ZSCAN30: variants seen among roughly 807,000 people sequenced by gnomAD.
ZSCAN30 encodes zinc finger and SCAN domain containing 30, also known as zinc finger and SCAN domain-containing protein 30.
A neutral mutation model predicts 44.3 loss-of-function variants in ZSCAN30; 37 were observed. That is an observed-to-expected ratio of 0.84 (90% CI 0.64 to 1.10). The LOEUF is 1.10. ZSCAN30 is among the 50% of genes least tolerant of loss of function. The pLI is 0.00. For synonymous variants in ZSCAN30, 181 were observed against 204.6 expected (o/e 0.88, Z 0.98); for missense variants, 549 against 582.6 (o/e 0.94, Z 0.59).
chr18:35,257,976 C>T, intron 3 of ZSCAN30: 1 of 781,050 alleles, frequency 1.3e-6, no homozygotes, highest in Non-Finnish European at 2.4e-6. Context: ...ACCCAAATCT[C>T]CATCTCAGGC....
Position 35,264,185 on chromosome 18 carries a change from G to A in ZSCAN30, c.168C>T (p.Tyr56=). The change falls in exon 2 of 4, where the codon TAC becomes TAT. Residue 56 remains tyrosine (Y), a synonymous_variant. Coordinates refer to ENST00000333206, the MANE Select transcript of ZSCAN30 (RefSeq NM_001112734.4). ...VFRQKFRQFS[Y]SDSTGPREAL... is the part of the protein sequence containing the mutation. The stretch of plus-strand genomic sequence containing the variant: ...CCTCCCGAGGGCCAGTGGAGTCAGA[G>A]TAACTAAACTGCCTGAACTTCTGCC... 1.9e-6 allele frequency: 3 copies of A among 1,614,234 alleles called. No homozygotes were observed. The highest frequency in any genetic ancestry group is 1.6e-4 in the Middle Eastern group (1 of 6,062).
chr18:35,251,238 G>T lies in ZSCAN30; in HGVS notation c.*2212C>A, dbSNP rs1035024610. On this transcript the variant is annotated 3_prime_UTR_variant, in exon 4 of 4. Coordinates refer to ENST00000333206, the MANE Select transcript of ZSCAN30 (RefSeq NM_001112734.4). ...GAAAGTACTCCAAAATGTTAACAAC[G>T]TTTCTATGGGCATTGGGATTGGGGG... 3 of 152,078 alleles carry T rather than the reference G, an allele frequency of 2.0e-5. No homozygotes were observed. Among genetic ancestry groups the T allele is most frequent in the African/African-American group, 7.2e-5 (3 of 41,410 alleles). The allele number at this position is 152,078 out of a possible 1,614,324, so 9.4% of individuals were successfully genotyped here.
rs150485146 is a variant in ZSCAN30, at chr18:35,282,652, A to C, written c.-104+7432T>G. 5.9e-5 allele frequency: 9 copies of C among 152,356 alleles called. No homozygotes were observed. In the East Asian group the frequency reaches 1.7e-3, roughly 29 times the overall value. 9.4% of individuals were successfully genotyped at this position (152,356 alleles called of 1,614,324 possible). On this transcript the variant is annotated intron_variant, in intron 1 of 3. Transcript: ENST00000333206. ...TCATTTTGTAGCAGCTTGGCCTGCA[A>C]CTACTCTACCATCCTCTAGATCCTC...
rs1306836582 is a variant in ZSCAN30 at position 35,251,864 on chromosome 18, T to C, written c.*1586A>G. 6.6e-6 allele frequency: 1 copy of C among 152,066 alleles called. No individual in the cohort carries two copies. The highest frequency in any genetic ancestry group is 2.4e-5 in the African/African-American group (1 of 41,372). 9.4% of individuals were successfully genotyped at this position (152,066 alleles called of 1,614,324 possible). ...TCATAGCACTGTGAAAATGGACTAA[T>C]ACAAGCAGTGATCACCAAGTCTTCT... is the stretch of plus-strand genomic sequence containing the variant. On this transcript the variant is annotated 3_prime_UTR_variant, in exon 4 of 4. Transcript: ENST00000333206.
intron 1 of ZSCAN30, chr18:35,267,832 C>T (rs1443019341): frequency 2.6e-5 from 4 of 152,032 alleles, no homozygotes; most frequent in Admixed American, 2.6e-4. Context: ...AACCGAGAAC[C>T]CATGATCTCT....
At position 35,252,543 on chromosome 18, in the gene ZSCAN30, A is replaced by G. The variant is rs1224605087; in HGVS notation, c.*907T>C. 6.6e-6 allele frequency: 1 copy of G among 152,154 alleles called. No individual in the cohort carries two copies. The highest frequency in any genetic ancestry group is 2.4e-5 in the African/African-American group (1 of 41,438). 9.4% of individuals were successfully genotyped at this position (152,154 alleles called of 1,614,324 possible). ...TTAGGTCTATGACAATTTCTGCAGT[A>G]GAGAAGAGTCTTCATGGAGTGTCTC... On this transcript the variant is annotated 3_prime_UTR_variant, in exon 4 of 4. Transcript: ENST00000333206.
At chr18:35,274,092 T>C (rs2044330117) in intron 1 of ZSCAN30, among the ~76,000 whole-genome samples, 1 of 152,114 alleles carries the variant, frequency 6.6e-6, no homozygotes, top group South Asian at 2.1e-4. Context: ...CTCGGCTCAC[T>C]GCAAGCTCCG....
At chr18:35,263,019 C>A in intron 3 of ZSCAN30, 1 of 178,286 alleles carries the variant, frequency 5.6e-6, no homozygotes, top group South Asian at 8.6e-5. Context: ...TATTCATCTC[C>A]ATCTTAGGGA....
intron 1 of ZSCAN30, chr18:35,270,091 T>G (rs2044240791): frequency 6.6e-6 from 1 of 152,220 alleles, no homozygotes; most frequent in Non-Finnish European, 1.5e-5. Flanking sequence ...CACTTCTCTA[T>G]CATTTATTTA....
chr18:35,266,974 A>G (rs2044166924), intron 1 of ZSCAN30: 1 of 151,206 alleles, frequency 6.6e-6, no homozygotes, highest in African/African-American at 2.4e-5. Context: ...CCTTCTCTTA[A>G]TTTTTTAGTG....
At position 35,253,109 on chromosome 18, in the gene ZSCAN30, T is replaced by C. The variant is rs767727805; in HGVS notation, c.*341A>G. Reference sequence around the variant, plus strand: ...TTATAAGAAGCTCTTTCAGGATCTCTGCCCCAATCCTGGCATTACTGTGAA... The same window carrying C: ...TTATAAGAAGCTCTTTCAGGATCTCCGCCCCAATCCTGGCATTACTGTGAA... On this transcript the variant is annotated 3_prime_UTR_variant, in exon 4 of 4. Coordinates refer to ENST00000333206, the MANE Select transcript of ZSCAN30 (RefSeq NM_001112734.4). 5.0e-4 allele frequency: 96 copies of C among 192,634 alleles called. No individual in the cohort carries two copies. Among genetic ancestry groups the C allele is most frequent in the African/African-American group, 2.0e-3 (86 of 42,974 alleles). The allele number at this position is 192,634 out of a possible 1,614,324, so 11.9% of individuals were successfully genotyped here. A position where few individuals can be genotyped will look rare whatever the true frequency, so the allele number is the denominator to read the frequency against.
At position 35,258,043 on chromosome 18, in the gene ZSCAN30, A is replaced by C. The variant is rs1037119979; in HGVS notation, c.554-3662T>G. On this transcript the variant is annotated intron_variant, in intron 3 of 3. Coordinates refer to ENST00000333206, the MANE Select transcript of ZSCAN30 (RefSeq NM_001112734.4). ...GTGAAGCACCTACAAGAAACTTATA[A>C]CTCAAGGTTGTAAAAATGGCATGGT... 3 of 777,678 alleles carry C rather than the reference A, an allele frequency of 3.9e-6. 1 individual carries two copies. Among genetic ancestry groups the C allele is most frequent in the Admixed American group, 3.4e-5 (2 of 58,776 alleles). 48.2% of individuals were successfully genotyped at this position (777,678 alleles called of 1,614,324 possible). A position where few individuals can be genotyped will look rare whatever the true frequency, so the allele number is the denominator to read the frequency against.
In ZSCAN30 at chr18:35,253,796, G is replaced by A. The variant is rs139527278; in HGVS notation, c.1139C>T (p.Thr380Ile). ...SELIRHRRIH[T>I]GEKPYECGEC... is the part of the protein sequence containing the mutation. ...TCCACATTCATAAGGCTTCTCTCCA[G>A]TGTGGATTCTCCGATGCCTGATGAG... is the stretch of plus-strand genomic sequence containing the variant. The change falls in exon 4 of 4, where the codon ACT (threonine) becomes ATT (isoleucine). Residue 380 changes from threonine to isoleucine, a missense_variant. Transcript: ENST00000333206. 1.2e-6 allele frequency: 2 copies of A among 1,614,196 alleles called. No individual in the cohort carries two copies. The highest frequency in any genetic ancestry group is 1.7e-5 in the Admixed American group (1 of 60,018).
chr18:35,254,822 G>C (rs2043739903), intron 3 of ZSCAN30: 1 of 200,258 alleles, frequency 5.0e-6, no homozygotes, highest in South Asian at 8.8e-5. Flanking sequence ...GAGAGCAGAA[G>C]ATATGATTAG....
At chr18:35,278,718 A>C (rs1231510821) in intron 1 of ZSCAN30, among the ~76,000 whole-genome samples, 7 of 152,234 alleles carry the variant, frequency 4.6e-5, no homozygotes, top group Non-Finnish European at 8.8e-5. Context: ...ATAAGAAGGA[A>C]GGAAAAAACA....
chr18:35,270,083 C>T (rs1453411111), intron 1 of ZSCAN30: 1 of 152,188 alleles, frequency 6.6e-6, no homozygotes, highest in African/African-American at 2.4e-5. Flanking sequence ...ATAATAAACA[C>T]TTCTCTATCA....
In ZSCAN30 at chr18:35,272,999, C is replaced by T. The variant is rs537460588; in HGVS notation, c.-103-8544G>A. Among the ~76,000 whole-genome samples, 272 of 152,328 alleles carry T rather than the reference C, an allele frequency of 1.8e-3. 1 individual carries two copies. Among genetic ancestry groups the T allele is most frequent in the Non-Finnish European group, 1.9e-3 (126 of 68,032 alleles). On this transcript the variant is annotated intron_variant, in intron 1 of 3. Coordinates refer to ENST00000333206, the MANE Select transcript of ZSCAN30 (RefSeq NM_001112734.4). The stretch of plus-strand genomic sequence containing the variant: ...CCACCCCCATGATTTAATTATCTCC[C>T]ATTCCCTCCCACAACACATGGGAAT...
rs1301467075 is a variant in ZSCAN30 at position 35,256,083 on chromosome 18, C to T, written c.554-1702G>A. Among the ~76,000 whole-genome samples the T allele has an allele frequency of 5.3e-5, 8 of 152,128 alleles. No individual in the cohort carries two copies. The East Asian group carries it at 9.6e-4, about 18-fold the overall frequency. On this transcript the variant is annotated intron_variant, in intron 3 of 3. Coordinates refer to ENST00000333206, the MANE Select transcript of ZSCAN30 (RefSeq NM_001112734.4). ...CAATGTAACTTATGGGATTTAAATACGTCTTCAAATTCTGTAACTATATGA... is the reference window on the plus strand; with the variant it reads ...CAATGTAACTTATGGGATTTAAATATGTCTTCAAATTCTGTAACTATATGA...
At chr18:35,273,642 C>G (rs1211636927) in intron 1 of ZSCAN30, among the ~76,000 whole-genome samples, 1 of 152,184 alleles carries the variant, frequency 6.6e-6, no homozygotes, top group Non-Finnish European at 1.5e-5. Context: ...ATGGTCTTAG[C>G]AACCTTGTTA....
Sources: allele counts gnomAD v4.1 joint callset (sites outside exome capture counted in the v4.1 genomes callset), GRCh38; gene constraint gnomAD v4.1.1; transcripts MANE v1.5; gene names NCBI Gene and HGNC (gene_info 2026-07-23, HGNC 2026-07-21).